The following GRIA1 variants were observed in gnomAD, a reference collection of about 807,000 sequenced individuals.
The protein encoded by GRIA1 is glutamate ionotropic receptor AMPA type subunit 1.
A neutral mutation model predicts 99.2 loss-of-function variants in GRIA1; 31 were observed. That is an observed-to-expected ratio of 0.31 (90% CI 0.23 to 0.42). The LOEUF (loss-of-function observed/expected upper bound fraction) is 0.42, where lower values mean the gene tolerates loss of function less well. Ranked by LOEUF, GRIA1 falls within the 10% of genes least tolerant of loss-of-function variation. The pLI, the probability that GRIA1 is intolerant of heterozygous loss-of-function variation, is 1.00. For synonymous variants in GRIA1, 438 were observed against 432.4 expected, an observed-to-expected ratio of 1.01 and a Z score of -0.16; for missense variants, 782 against 1,157.5, an observed-to-expected ratio of 0.68 and a Z score of 4.71.
intron 2 of GRIA1, among the ~76,000 whole-genome samples, chr5:153,516,031 T>C (rs1025137511): frequency 6.6e-6 from 1 of 152,028 alleles, no homozygotes; most frequent in African/African-American, 2.4e-5. Context: ...CCATCCTGGC[T>C]AACACGGTGA....
intron 5 of GRIA1, among the ~76,000 whole-genome samples, chr5:153,657,947 G>A (rs536729655): frequency 6.6e-6 from 1 of 152,264 alleles, no homozygotes; most frequent in South Asian, 2.1e-4. Flanking sequence ...ACTTCGGAGT[G>A]AGGAAAGCCC....
chr5:153,804,626 C>T (rs971567766), intron 15 of GRIA1, among the ~76,000 whole-genome samples: 4 of 152,160 alleles, frequency 2.6e-5, no homozygotes, highest in Admixed American at 1.3e-4. Flanking sequence ...AGAGTAGAAG[C>T]TCTGGAGAAT....
intron 8 of GRIA1, among the ~76,000 whole-genome samples, 176 bp from the exon 9 acceptor site, chr5:153,697,868 C>G (rs1316869480): frequency 6.6e-6 from 1 of 152,152 alleles, no homozygotes; most frequent in Admixed American, 6.5e-5. Flanking sequence ...ATTGGGGGCA[C>G]CTGAAAAGCA....
At chr5:153,666,907 T>C (rs769017733) in intron 5 of GRIA1, among the ~76,000 whole-genome samples, 3 of 152,130 alleles carry the variant, frequency 2.0e-5, no homozygotes, top group Admixed American at 1.3e-4. Flanking sequence ...ATCCATCTCT[T>C]CCCCATGACA....
intron 2 of GRIA1, among the ~76,000 whole-genome samples, chr5:153,645,164 C>G (rs1206335051): frequency 1.3e-5 from 2 of 152,098 alleles, no homozygotes; most frequent in African/African-American, 4.8e-5. Flanking sequence ...CCTTCAGATA[C>G]CAGGAGGGCT....
intron 2 of GRIA1, among the ~76,000 whole-genome samples, chr5:153,585,830 A>G (rs1446932406): frequency 6.6e-6 from 1 of 152,082 alleles, no homozygotes; most frequent in Non-Finnish European, 1.5e-5. Flanking sequence ...ACCCATTAAG[A>G]GATAGTGACT....
chr5:153,781,568 A>G (rs1764632164), intron 13 of GRIA1, among the ~76,000 whole-genome samples: 3 of 152,174 alleles, frequency 2.0e-5, no homozygotes, highest in African/African-American at 7.2e-5. Context: ...CACATAGACC[A>G]GTTCCTACCC....
intron 13 of GRIA1, among the ~76,000 whole-genome samples, chr5:153,778,569 C>T (rs567081789): frequency 5.3e-5 from 8 of 151,792 alleles, no homozygotes; most frequent in Middle Eastern, 3.2e-3. Flanking sequence ...GGCAAGAATG[C>T]CCTCTCAAAG....
At chr5:153,513,240 A>T (rs515887) in intron 2 of GRIA1, among the ~76,000 whole-genome samples, 1 of 151,966 alleles carries the variant, frequency 6.6e-6, no homozygotes, top group Non-Finnish European at 1.5e-5. Context: ...GAAAGGAGTG[A>T]ATTTGGGAAC....
intron 13 of GRIA1, 49 bp downstream of exon 13, chr5:153,770,464 C>A: frequency 1.3e-6 from 2 of 1,564,686 alleles, no homozygotes; most frequent in South Asian, 1.2e-5. Context: ...CCCTCCCTAT[C>A]TCAGGAATGA....
At chr5:153,701,408 A>G (rs1581497904) in intron 10 of GRIA1, among the ~76,000 whole-genome samples, 1 of 151,848 alleles carries the variant, frequency 6.6e-6, no homozygotes, top group African/African-American at 2.4e-5. Flanking sequence ...AGGTCAGGAG[A>G]TCTAGACCAT....
intron 2 of GRIA1, among the ~76,000 whole-genome samples, chr5:153,526,844 C>T (rs543857085): frequency 6.6e-5 from 10 of 152,186 alleles, no homozygotes; most frequent in Non-Finnish European, 1.2e-4. Flanking sequence ...AGCTCAGCCA[C>T]TTATCAGCTT....
At chr5:153,675,329 C>T (rs554184178) in intron 6 of GRIA1, among the ~76,000 whole-genome samples, 1 of 152,168 alleles carries the variant, frequency 6.6e-6, no homozygotes. Flanking sequence ...GGCAACCTAA[C>T]TAAGGAATAT....
At chr5:153,775,336 C>T (rs1404231699) in intron 13 of GRIA1, among the ~76,000 whole-genome samples, 3 of 152,208 alleles carry the variant, frequency 2.0e-5, no homozygotes, top group Non-Finnish European at 2.9e-5. Context: ...AACGGATTTG[C>T]TAAGAGTTAG....
At chr5:153,666,303 A>G (rs1309708018) in intron 5 of GRIA1, among the ~76,000 whole-genome samples, 1 of 152,158 alleles carries the variant, frequency 6.6e-6, no homozygotes, top group Non-Finnish European at 1.5e-5. Context: ...TCACAGTCTC[A>G]CAGGGAAGAT....
chr5:153,595,385 C>A (rs1210326455), intron 2 of GRIA1, among the ~76,000 whole-genome samples: 5 of 152,016 alleles, frequency 3.3e-5, no homozygotes, highest in Non-Finnish European at 7.4e-5. Flanking sequence ...GTTAATGAAC[C>A]AATACTAATA....
At position 153,705,692 on chromosome 5, in the gene GRIA1, TTCAG is replaced by T; in HGVS notation, c.1453-4_1453-1del. ...TTTTTTTTTTTTTTTTTTTTTTTTT[TTCAG>T]AGAGCAGATGTGGCTGTGGCTCCCT... On this transcript the variant is annotated splice_acceptor_variant and splice_polypyrimidine_tract_variant and intron_variant, in intron 10 of 15. Transcript: ENST00000285900. LOFTEE classifies it high-confidence loss of function. 2 of 1,262,202 alleles carry T rather than the reference TTCAG, an allele frequency of 1.6e-6. No individual in the cohort carries two copies. Among genetic ancestry groups the T allele is most frequent in the Admixed American group, 3.2e-5 (1 of 31,196 alleles). 78.2% of individuals were successfully genotyped at this position (1,262,202 alleles called of 1,614,324 possible).
chr5:153,655,330 A>G (rs1037328275), intron 4 of GRIA1, among the ~76,000 whole-genome samples: 2 of 152,226 alleles, frequency 1.3e-5, no homozygotes, highest in African/African-American at 4.8e-5. Context: ...AGGTGAAGTC[A>G]TCCACATACC....
intron 10 of GRIA1, among the ~76,000 whole-genome samples, chr5:153,702,453 T>C (rs114371868): frequency 6.6e-6 from 1 of 152,226 alleles, no homozygotes; most frequent in African/African-American, 2.4e-5. Flanking sequence ...ATGGGGAATA[T>C]TCATTTATGC....
Sources: gnomAD v4.1 joint callset for allele counts (sites outside exome capture counted in the v4.1 genomes callset) on GRCh38, gnomAD v4.1.1 for gene constraint, MANE v1.5 for transcripts, NCBI Gene and HGNC (gene_info 2026-07-23, HGNC 2026-07-21) for gene names.